The following ADCK1 variants were observed in gnomAD, a reference collection of about 807,000 sequenced individuals.
ADCK1 encodes aarF domain containing kinase 1.
A neutral mutation model predicts 52.3 loss-of-function variants in ADCK1; 41 were observed. The observed-to-expected ratio is 0.78, with a 90% CI of 0.61 to 1.02. The LOEUF is 1.02. ADCK1 is among the 50% of genes least tolerant of loss of function. The pLI, the probability that ADCK1 is intolerant of heterozygous loss-of-function variation, is 0.00. For missense variants in ADCK1, 658 were observed against 679.5 expected (o/e 0.97, Z 0.35); for synonymous variants, 250 against 274.6 (o/e 0.91, Z 0.89).
intron 9 of ADCK1, 142 bp downstream of exon 9, chr14:77,926,103 T>C (rs1291590702): frequency 3.0e-6 from 3 of 1,015,362 alleles, no homozygotes; most frequent in Admixed American, 2.3e-5. Context: ...GGAGCTATAT[T>C]GGACAAGAAG....
intron 1 of ADCK1, among the ~76,000 whole-genome samples, chr14:77,806,992 G>C (rs1285413374): frequency 6.7e-6 from 1 of 150,002 alleles, no homozygotes; most frequent in Non-Finnish European, 1.5e-5. Context: ...TGGGATTACA[G>C]GCATGAGCCA....
chr14:77,933,281 T>G lies in ADCK1; in HGVS notation c.1462T>G (p.Phe488Val). The G allele has an allele frequency of 6.2e-7, 1 of 1,614,184 alleles. No homozygotes were observed. Among genetic ancestry groups the G allele is most frequent in the South Asian group, 1.1e-5 (1 of 91,082 alleles). ...GACCCAGATCTCTTTCAGCGAGGCC[T>G]TCAACTTATGGCAGATCAACCTCCA... ...RRTQISFSEA[F>V]NLWQINLHEL... The change falls in exon 11 of 11, where the codon TTC becomes GTC. Residue 488 changes from phenylalanine to valine, a missense_variant. Physicochemically the swap from Phe to Val is conservative, Grantham distance 50. Transcript: ENST00000238561.
At chr14:77,857,397 T>C (rs1261798789) in intron 3 of ADCK1, among the ~76,000 whole-genome samples, 1 of 152,166 alleles carries the variant, frequency 6.6e-6, no homozygotes, top group Non-Finnish European at 1.5e-5. Context: ...GTATTTAGGG[T>C]AGCTATCACC....
In ADCK1 at chr14:77,934,798, G is replaced by A. The variant is rs1483004741; in HGVS notation, c.*1407G>A. 1 of 152,172 alleles carries A rather than the reference G, an allele frequency of 6.6e-6. No individual in the cohort carries two copies. The highest frequency in any genetic ancestry group is 1.5e-5 in the Non-Finnish European group (1 of 68,036). 9.4% of individuals were successfully genotyped at this position (152,172 alleles called of 1,614,324 possible). A position where few individuals can be genotyped will look rare whatever the true frequency, so the allele number is the denominator to read the frequency against. On this transcript the variant is annotated 3_prime_UTR_variant, in exon 11 of 11. Coordinates refer to ENST00000238561, the MANE Select transcript of ADCK1 (RefSeq NM_020421.4). ...TAATTTTCTGTACTCTTTATTCATAGTACAGCAAGCAGATTTTTCAGTGAT... is the reference window on the plus strand; with the variant it reads ...TAATTTTCTGTACTCTTTATTCATAATACAGCAAGCAGATTTTTCAGTGAT...
chr14:77,866,602 T>G (rs2082666894), intron 4 of ADCK1, among the ~76,000 whole-genome samples: 1 of 152,070 alleles, frequency 6.6e-6, no homozygotes, highest in South Asian at 2.1e-4. Flanking sequence ...GTGCTCTTGG[T>G]CTCCAGGCAG....
intron 3 of ADCK1, among the ~76,000 whole-genome samples, chr14:77,844,998 A>C (rs2082147693): frequency 6.6e-6 from 1 of 152,230 alleles, no homozygotes; most frequent in Non-Finnish European, 1.5e-5. Flanking sequence ...ATATGCACTC[A>C]CTTCCTATTC....
chr14:77,863,748 A>C (rs2140148130), intron 4 of ADCK1, among the ~76,000 whole-genome samples: 1 of 152,174 alleles, frequency 6.6e-6, no homozygotes, highest in African/African-American at 2.4e-5. Context: ...GTGGCAGGAG[A>C]ATCACTTGAA....
intron 1 of ADCK1, among the ~76,000 whole-genome samples, chr14:77,804,572 A>C (rs1353487216): frequency 6.6e-6 from 1 of 150,810 alleles, no homozygotes; most frequent in African/African-American, 2.4e-5. Context: ...GGTTGGTGTA[A>C]CAGGAAGAGG....
intron 4 of ADCK1, among the ~76,000 whole-genome samples, chr14:77,861,748 G>T (rs1754912943): frequency 6.6e-6 from 1 of 152,236 alleles, no homozygotes. Context: ...CAACAGCAGT[G>T]TTAGAGGTCA....
intron 9 of ADCK1, among the ~76,000 whole-genome samples, chr14:77,928,133 G>A (rs1188599864): frequency 6.6e-6 from 1 of 152,108 alleles, no homozygotes; most frequent in African/African-American, 2.4e-5. Flanking sequence ...CTGTAGGATT[G>A]GATGTGGAGA....
intron 7 of ADCK1, among the ~76,000 whole-genome samples, chr14:77,915,000 G>A (rs768702829): frequency 8.5e-5 from 13 of 152,168 alleles, no homozygotes; most frequent in South Asian, 2.1e-4. Flanking sequence ...ACCTCCAGTT[G>A]AATAGGACAT....
At chr14:77,924,201 C>T (rs906829100) in intron 7 of ADCK1, 7 of 437,276 alleles carry the variant, frequency 1.6e-5, no homozygotes, top group South Asian at 2.9e-5. Flanking sequence ...CCCATGTTCA[C>T]GTCACCTCGA....
chr14:77,903,763 T>C (rs536963048), intron 6 of ADCK1, among the ~76,000 whole-genome samples: 1 of 152,284 alleles, frequency 6.6e-6, no homozygotes, highest in Admixed American at 6.5e-5. Context: ...CCCAGGACTC[T>C]AGAAATTGTG....
intron 4 of ADCK1, among the ~76,000 whole-genome samples, chr14:77,867,654 C>A (rs2082690536): frequency 6.6e-6 from 1 of 152,164 alleles, no homozygotes; most frequent in Admixed American, 6.5e-5. Context: ...TCGAGGTGGC[C>A]CTGGCTTGTG....
intron 3 of ADCK1, among the ~76,000 whole-genome samples, chr14:77,849,722 G>A (rs561877203): frequency 6.6e-6 from 1 of 152,208 alleles, no homozygotes; most frequent in East Asian, 1.9e-4. Flanking sequence ...TAAGTGCTAG[G>A]ATTACAGGCA....
intron 3 of ADCK1, among the ~76,000 whole-genome samples, chr14:77,846,091 A>C (rs560208331): frequency 6.6e-6 from 1 of 152,276 alleles, no homozygotes; most frequent in East Asian, 1.9e-4. Context: ...CAGCTGCCAC[A>C]TGGGGCCTCT....
chr14:77,916,132 T>C (rs991056554), intron 7 of ADCK1, among the ~76,000 whole-genome samples: 3 of 152,048 alleles, frequency 2.0e-5, no homozygotes, highest in East Asian at 3.9e-4. Flanking sequence ...GATAGGAAAG[T>C]ATTTCTTTGG....
At chr14:77,823,772 A>G (rs2081632724) in intron 3 of ADCK1, among the ~76,000 whole-genome samples, 1 of 151,758 alleles carries the variant, frequency 6.6e-6, no homozygotes, top group Admixed American at 6.6e-5. Flanking sequence ...AGGGTTTAGC[A>G]TGTTGTCCAG....
intron 7 of ADCK1, chr14:77,908,210 G>A (rs2083712538): frequency 1.3e-5 from 3 of 230,926 alleles, no homozygotes; most frequent in Non-Finnish European, 2.6e-5. Flanking sequence ...AGAGAACAAT[G>A]ATGCAAAATC....
Sources: gnomAD v4.1 joint callset for allele counts (sites outside exome capture counted in the v4.1 genomes callset) on GRCh38, gnomAD v4.1.1 for gene constraint, MANE v1.5 for transcripts, NCBI Gene and HGNC (gene_info 2026-07-23, HGNC 2026-07-21) for gene names.